Variants in PCDH15 observed in about 807,000 individuals in gnomAD.
PCDH15 encodes protocadherin-15.
In PCDH15, 129 loss-of-function variants were observed where a neutral mutation model predicts 178.5. The observed-to-expected ratio is 0.72, with a 90% CI of 0.63 to 0.84. The LOEUF is 0.84. Ranked by LOEUF, PCDH15 falls within the 40% of genes least tolerant of loss-of-function variation. The pLI, the probability that PCDH15 is intolerant of heterozygous loss-of-function variation, is 0.00. For missense variants in PCDH15, 2,230 were observed against 2,099.9 expected (o/e 1.06, Z -1.21); for synonymous variants, 800 against 732.0 (o/e 1.09, Z -1.50).
intron 3 of PCDH15, among the ~76,000 whole-genome samples, chr10:54,507,787 T>C (rs1449023633): frequency 6.6e-6 from 1 of 152,024 alleles, no homozygotes. Context: ...TTAATCACTT[T>C]AACAGCACTA....
At chr10:55,343,518 A>ATT (rs927137538) in intron 2 of PCDH15, among the ~76,000 whole-genome samples, 1 of 151,630 alleles carries the variant, frequency 6.6e-6, no homozygotes, top group African/African-American at 2.4e-5. Context: ...TTCTTACCTT[A>ATT]TTTATATCAT....
In PCDH15 at chr10:54,113,639, G is replaced by GACAC. The variant is rs57193886; in HGVS notation, c.1917+19232_1917+19235dup. On this transcript the variant is annotated intron_variant, in intron 15 of 37. Coordinates refer to ENST00000644397, the MANE Select transcript of PCDH15 (RefSeq NM_001384140.1). ...CTCTACCGGTCCTTCTCCCAACACA[G>GACAC]ACACACACACACACACACACGCACA... is the stretch of plus-strand genomic sequence containing the variant. 1.5e-4 allele frequency among the ~76,000 whole-genome samples: 22 copies of GACAC among 149,842 alleles called. No homozygotes were observed. In the South Asian group the frequency reaches 4.2e-3, roughly 29 times the overall value.
intron 1 of PCDH15, among the ~76,000 whole-genome samples, chr10:54,769,722 G>A (rs149444511): frequency 6.6e-6 from 1 of 152,164 alleles, no homozygotes; most frequent in African/African-American, 2.4e-5. Flanking sequence ...CAGTGCCTGA[G>A]GGTCAGCAGT....
upstream of PCDH15, among the ~76,000 whole-genome samples, chr10:54,801,582 G>C (rs1952650587): frequency 6.6e-6 from 1 of 152,008 alleles, no homozygotes; most frequent in Non-Finnish European, 1.5e-5. Flanking sequence ...TAACAATGTC[G>C]TTGACAAGAT....
intron 29 of PCDH15, among the ~76,000 whole-genome samples, chr10:53,837,838 TAG>T (rs1356176460): frequency 6.6e-6 from 1 of 151,974 alleles, no homozygotes; most frequent in African/African-American, 2.4e-5. Context: ...GAAACAATTC[TAG>T]AGTTTCAAAT....
intron 35 of PCDH15, among the ~76,000 whole-genome samples, chr10:53,812,646 GAT>G (rs1315526137): frequency 6.6e-6 from 1 of 152,062 alleles, no homozygotes; most frequent in Non-Finnish European, 1.5e-5. Flanking sequence ...TTTTTCTTGA[GAT>G]ATACATGTGA....
rs556510021 is a variant in PCDH15 at position 54,023,140 on chromosome 10, T to C, written c.2278A>G (p.Asn760Asp). The C allele has an allele frequency of 9.3e-6, 15 of 1,613,900 alleles. No homozygotes were observed. The South Asian group carries it at 1.6e-4, about 18-fold the overall frequency. ...TTGGATGTGATACGAAAAAGATTAT[T>C]AAAGTTACCCAAACTGTAGTGCACT... The part of the protein sequence containing the change: ...GQVHYSLGNF[N>D]NLFRITSNGS... Residue 760 changes from asparagine (N) to aspartate (D), a missense_variant, in exon 19 of 38, where the codon AAT (asparagine) becomes GAT (aspartate). Asn to Asp is a conservative substitution (Grantham distance 23, BLOSUM62 1). Coordinates refer to ENST00000644397, the MANE Select transcript of PCDH15 (RefSeq NM_001384140.1).
intron 1 of PCDH15, among the ~76,000 whole-genome samples, chr10:54,781,620 T>G (rs1378306948): frequency 6.6e-6 from 1 of 152,178 alleles, no homozygotes; most frequent in Admixed American, 6.5e-5. Flanking sequence ...ATAAATATAC[T>G]GTGAATGACT....
At chr10:54,193,911 A>G (rs1564647163) in intron 11 of PCDH15, among the ~76,000 whole-genome samples, 1 of 152,106 alleles carries the variant, frequency 6.6e-6, no homozygotes, top group Non-Finnish European at 1.5e-5. Context: ...AAATAGGGAT[A>G]ATTGCATCTA....
chr10:54,558,866 T>C (rs2087669075), intron 2 of PCDH15, among the ~76,000 whole-genome samples: 1 of 152,118 alleles, frequency 6.6e-6, no homozygotes, highest in Non-Finnish European at 1.5e-5. Flanking sequence ...TTAGTTGATA[T>C]ACTATTTTGT....
At chr10:55,357,286 C>T (rs2121532) in intron 2 of PCDH15, among the ~76,000 whole-genome samples, 84,368 of 151,534 alleles carry the variant, frequency 0.56, 24,202 homozygotes, top group African/African-American at 0.68. Context: ...TTTTAAACCA[C>T]TGCATTAAAA....
intron 1 of PCDH15, among the ~76,000 whole-genome samples, chr10:54,715,321 A>T (rs2095467447): frequency 6.6e-6 from 1 of 152,200 alleles, no homozygotes; most frequent in Non-Finnish European, 1.5e-5. Flanking sequence ...CTCACCCTCC[A>T]TCTTATTCCC....
intron 3 of PCDH15, among the ~76,000 whole-genome samples, chr10:54,839,214 C>T (rs896606147): frequency 6.6e-6 from 1 of 152,040 alleles, no homozygotes; most frequent in East Asian, 1.9e-4. Flanking sequence ...AACTTTCCAA[C>T]AAAGAGTTCC....
At chr10:54,579,068 C>A (rs528393563) in intron 2 of PCDH15, among the ~76,000 whole-genome samples, 260 of 152,002 alleles carry the variant, frequency 1.7e-3, no homozygotes, top group African/African-American at 6.0e-3. Context: ...TCTGCAGACC[C>A]TATAAAGCAA....
intron 13 of PCDH15, among the ~76,000 whole-genome samples, chr10:54,167,433 C>T (rs1276097015): frequency 2.0e-5 from 3 of 152,100 alleles, no homozygotes; most frequent in South Asian, 2.1e-4. Context: ...CCCAAAACTC[C>T]GGCGCCGGTC....
intron 26 of PCDH15, among the ~76,000 whole-genome samples, chr10:53,886,641 G>T (rs35714117): frequency 1.7e-5 from 2 of 115,170 alleles, no homozygotes; most frequent in South Asian, 2.8e-4. Flanking sequence ...GGGCTCAGCC[G>T]CATCTTACAC....
intron 2 of PCDH15, among the ~76,000 whole-genome samples, chr10:54,652,013 T>A (rs1284697676): frequency 6.6e-6 from 1 of 151,814 alleles, no homozygotes; most frequent in Admixed American, 6.6e-5. Flanking sequence ...AGTTCTTATA[T>A]GCAAGGAATT....
At chr10:54,036,589 A>C (rs1386186868) in intron 18 of PCDH15, among the ~76,000 whole-genome samples, 1 of 151,926 alleles carries the variant, frequency 6.6e-6, no homozygotes, top group Non-Finnish European at 1.5e-5. Context: ...AGGAAAAAAA[A>C]AAGACTTCTT....
At chr10:55,129,683 C>A (rs1473310738) in intron 2 of PCDH15, among the ~76,000 whole-genome samples, 3 of 151,990 alleles carry the variant, frequency 2.0e-5, no homozygotes, top group Non-Finnish European at 4.4e-5. Context: ...AAGACTTATG[C>A]TAATGGTACT....
Sources: gnomAD v4.1 joint callset for allele counts (sites outside exome capture counted in the v4.1 genomes callset) on GRCh38, gnomAD v4.1.1 for gene constraint, MANE v1.5 for transcripts, NCBI Gene and HGNC (gene_info 2026-07-23, HGNC 2026-07-21) for gene names.